Variants in ITGBL1 observed in about 807,000 individuals in gnomAD.
The protein encoded by ITGBL1 is integrin beta-like protein 1.
In ITGBL1, 51 loss-of-function variants were observed where a neutral mutation model predicts 68.5. That is an observed-to-expected ratio of 0.74 (90% confidence interval 0.59 to 0.94). The LOEUF (loss-of-function observed/expected upper bound fraction) is 0.94, where lower values mean the gene tolerates loss of function less well. ITGBL1 is among the 40% of genes least tolerant of loss of function. The probability of loss-of-function intolerance (pLI) is 0.00; values close to 1 mark genes in which losing one functional copy is unlikely to be tolerated. For missense variants in ITGBL1, 649 were observed against 647.4 expected, an observed-to-expected ratio of 1.00 and a Z score of -0.03; for synonymous variants, 209 against 227.3, an observed-to-expected ratio of 0.92 and a Z score of 0.72.
At position 101,715,571 on chromosome 13, in the gene ITGBL1, A is replaced by G; in HGVS notation, c.1402A>G (p.Ile468Val). 1 of 1,611,048 alleles carries G rather than the reference A, an allele frequency of 6.2e-7. No homozygotes were observed. Among genetic ancestry groups the G allele is most frequent in the Non-Finnish European group, 8.5e-7 (1 of 1,177,260 alleles). ...TATGTATTTTATTGCAGGGAATGGA[A>G]TATGTAGCTGTGGAAACTGTGAATG... The part of the protein sequence containing the change: ...HDGLICTGNG[I>V]CSCGNCECWD... The change falls in exon 11 of 11, where the codon ATA becomes GTA. Residue 468 changes from isoleucine to valine, a missense_variant. Ile to Val is a conservative substitution (Grantham distance 29). Transcript: ENST00000376180.
At chr13:101,486,046 CAT>C (rs1459496046) in intron 2 of ITGBL1, among the ~76,000 whole-genome samples, 1 of 152,086 alleles carries the variant, frequency 6.6e-6, no homozygotes, top group Non-Finnish European at 1.5e-5. Flanking sequence ...TAAACGCACA[CAT>C]GTGTTTACAG....
chr13:101,680,389 A>G (rs2033613712), intron 7 of ITGBL1, among the ~76,000 whole-genome samples: 1 of 152,142 alleles, frequency 6.6e-6, no homozygotes, highest in Non-Finnish European at 1.5e-5. Flanking sequence ...TATTGAGCAC[A>G]TACTGCAAGT....
chr13:101,665,928 T>C (rs1472436336), intron 7 of ITGBL1, among the ~76,000 whole-genome samples: 1 of 152,172 alleles, frequency 6.6e-6, no homozygotes. Flanking sequence ...CTGCCTAACC[T>C]TGGACGGACA....
At chr13:101,579,575 AC>A in intron 5 of ITGBL1, 148 bp downstream of exon 5, 1 of 841,740 alleles carries the variant, frequency 1.2e-6, no homozygotes, top group Non-Finnish European at 1.8e-6. Context: ...TACTATCCCA[AC>A]AATCTTTTCT....
chr13:101,511,334 A>T lies in ITGBL1; in HGVS notation c.317-56365A>T, dbSNP rs1031252299. ...TTGAGTATACAGTACTGTGGCACAC[A>T]CCCCTAAGGAACCTTCTATGAGTCA... On this transcript the variant is annotated intron_variant, in intron 2 of 10. Coordinates refer to ENST00000376180, the MANE Select transcript of ITGBL1 (RefSeq NM_004791.3). Among the ~76,000 whole-genome samples the T allele has an allele frequency of 7.2e-5, 11 of 152,188 alleles. No homozygotes were observed. In the East Asian group the frequency reaches 1.9e-3, roughly 27 times the overall value.
chr13:101,624,603 A>T (rs2031707175), intron 7 of ITGBL1, among the ~76,000 whole-genome samples: 1 of 152,186 alleles, frequency 6.6e-6, no homozygotes, highest in Admixed American at 6.5e-5. Flanking sequence ...CTCTTTGCCG[A>T]GTCCTGACAC....
intron 2 of ITGBL1, among the ~76,000 whole-genome samples, chr13:101,482,542 AAATTT>A (rs2048640837): frequency 6.6e-6 from 1 of 152,164 alleles, no homozygotes; most frequent in South Asian, 2.1e-4. Context: ...ATATGGAATG[AAATTT>A]AATTGTAGCA....
intron 2 of ITGBL1, among the ~76,000 whole-genome samples, chr13:101,559,500 G>A (rs551463800): frequency 1.2e-4 from 19 of 152,210 alleles, no homozygotes; most frequent in Admixed American, 1.2e-3. Context: ...ACCAAGGATT[G>A]TGAATAATCC....
At chr13:101,539,586 C>T (rs2049650242) in intron 2 of ITGBL1, among the ~76,000 whole-genome samples, 1 of 151,800 alleles carries the variant, frequency 6.6e-6, no homozygotes, top group African/African-American at 2.4e-5. Flanking sequence ...ATTGCTGGGT[C>T]AAATGGTATT....
intron 2 of ITGBL1, among the ~76,000 whole-genome samples, chr13:101,482,757 A>G (rs1422444286): frequency 6.6e-6 from 1 of 152,124 alleles, no homozygotes; most frequent in Non-Finnish European, 1.5e-5. Context: ...GGGTCCGTAT[A>G]ATAGAAAACC....
In ITGBL1 at chr13:101,670,404, A is replaced by G. The variant is rs1226561844; in HGVS notation, c.1016-22181A>G. The stretch of plus-strand genomic sequence containing the variant: ...TCTTAAACCTTTTGATGATGGGCCT[A>G]AGAAACAAAAATTTTGTGTTTTATC... On this transcript the variant is annotated intron_variant, in intron 7 of 10. Coordinates refer to ENST00000376180, the MANE Select transcript of ITGBL1 (RefSeq NM_004791.3). 3.3e-5 allele frequency among the ~76,000 whole-genome samples: 5 copies of G among 152,198 alleles called. No homozygotes were observed. In the East Asian group the frequency reaches 9.6e-4, roughly 29 times the overall value.
Position 101,598,159 on chromosome 13 carries a change from G to C in ITGBL1, c.875G>C (p.Gly292Ala). The change falls in exon 7 of 11, where the codon GGA (glycine) becomes GCA (alanine). Residue 292 changes from glycine to alanine, a missense_variant. Physicochemically the swap from Gly to Ala is moderately conservative, Grantham distance 60. Transcript: ENST00000376180. Reference sequence around the variant, plus strand: ...TGCCACTCTCACTGTGAAGGTCATGGACAGTGTAATTGCGGAAGATGTGAC... The same window carrying C: ...TGCCACTCTCACTGTGAAGGTCATGCACAGTGTAATTGCGGAAGATGTGAC... ...RYSDDFCSGH[G>A]QCNCGRCDCK... 1 of 1,612,608 alleles carries C rather than the reference G, an allele frequency of 6.2e-7. No homozygotes were observed. Among genetic ancestry groups the C allele is most frequent in the Non-Finnish European group, 8.5e-7 (1 of 1,179,420 alleles).
At chr13:101,452,979 G>A (rs2048185506) in intron 1 of ITGBL1, 48 bp downstream of exon 1, 3 of 1,478,632 alleles carry the variant, frequency 2.0e-6, no homozygotes, top group Admixed American at 1.7e-5. Flanking sequence ...CTGCTTATGT[G>A]GCAGGGCTCA....
chr13:101,481,851 A>G (rs551854955), intron 2 of ITGBL1, among the ~76,000 whole-genome samples: 2 of 152,246 alleles, frequency 1.3e-5, no homozygotes, highest in East Asian at 1.9e-4. Context: ...TGATATTTCA[A>G]TATATGTATA....
At chr13:101,710,294 G>C (rs939222847) in intron 9 of ITGBL1, among the ~76,000 whole-genome samples, 1 of 152,160 alleles carries the variant, frequency 6.6e-6, no homozygotes, top group African/African-American at 2.4e-5. Flanking sequence ...GCAGCTGATC[G>C]TGATCTCCCT....
At chr13:101,458,378 G>C (rs1028766841) in intron 2 of ITGBL1, among the ~76,000 whole-genome samples, 8 of 152,192 alleles carry the variant, frequency 5.3e-5, no homozygotes, top group Non-Finnish European at 8.8e-5. Flanking sequence ...TGGATGTTTG[G>C]GAAATAGGGC....
intron 7 of ITGBL1, among the ~76,000 whole-genome samples, chr13:101,605,392 ATG>A (rs1328380983): frequency 1.7e-5 from 2 of 117,610 alleles, no homozygotes; most frequent in East Asian, 2.2e-4. Flanking sequence ...ATATATGGGC[ATG>A]TATGTGTGTA....
chr13:101,603,625 C>A (rs1242327651), intron 7 of ITGBL1, among the ~76,000 whole-genome samples: 1 of 151,692 alleles, frequency 6.6e-6, no homozygotes, highest in East Asian at 1.9e-4. Flanking sequence ...TTACACAAAG[C>A]TTTATCTGTT....
chr13:101,612,639 C>T (rs1405894464), intron 7 of ITGBL1, among the ~76,000 whole-genome samples: 1 of 151,988 alleles, frequency 6.6e-6, no homozygotes, highest in Non-Finnish European at 1.5e-5. Context: ...TTCTGGATAA[C>T]TCTACATAGA....
Sources: allele counts gnomAD v4.1 joint callset (sites outside exome capture counted in the v4.1 genomes callset), GRCh38; gene constraint gnomAD v4.1.1; transcripts MANE v1.5; gene names NCBI Gene and HGNC (gene_info 2026-07-23, HGNC 2026-07-21).